LRRC71: variants seen among roughly 807,000 people sequenced by gnomAD.
The protein encoded by LRRC71 is leucine-rich repeat-containing protein 71.
Under a neutral mutation model 66.6 loss-of-function variants are expected in LRRC71, and 54 were observed. The observed-to-expected ratio is 0.81, with a 90% CI of 0.65 to 1.02. LRRC71 has a LOEUF of 1.02. Ranked by LOEUF, LRRC71 falls within the 50% of genes least tolerant of loss-of-function variation. The probability of loss-of-function intolerance (pLI) is 0.00; values close to 1 mark genes in which losing one functional copy is unlikely to be tolerated. For missense variants in LRRC71, 724 were observed against 718.0 expected (o/e 1.01, Z -0.10); for synonymous variants, 323 against 303.9 (o/e 1.06, Z -0.65).
rs772094590 is a variant in LRRC71, at chr1:156,932,932, A to G, written c.1643A>G (p.Lys548Arg). Residue 548 changes from lysine to arginine, a missense_variant, in exon 15 of 15, where the codon AAA becomes AGA. Lys to Arg is a conservative substitution (Grantham distance 26). Coordinates refer to ENST00000337428, the MANE Select transcript of LRRC71 (RefSeq NM_144702.3). ...LMLPRDPIKA[K>R]LREDEAMAFF... ...TTGCCAAGGGATCCCATCAAGGCCA[A>G]ACTCAGGGAGGATGAGGCCATGGCA... 3 of 1,596,986 alleles carry G rather than the reference A, an allele frequency of 1.9e-6. No homozygotes were observed. The highest frequency in any genetic ancestry group is 1.7e-6 in the Non-Finnish European group (2 of 1,171,532).
intron 2 of LRRC71, 117 bp downstream of exon 2, chr1:156,924,215 G>A: frequency 7.9e-7 from 1 of 1,273,558 alleles, no homozygotes; most frequent in Non-Finnish European, 1.1e-6. Flanking sequence ...GTGAGTCGGC[G>A]GTATTCGACG....
intron 9 of LRRC71, among the ~76,000 whole-genome samples, chr1:156,928,426 C>CTCT (rs201518646): frequency 1.2e-5 from 1 of 82,394 alleles, no homozygotes; most frequent in East Asian, 3.8e-4. Context: ...CCTCCTCCTC[C>CTCT]TCTTCTTCTT....
Position 156,922,459 on chromosome 1 carries a change from G to T in LRRC71, c.161-1490G>T, listed in dbSNP as rs146294519. On this transcript the variant is annotated intron_variant, in intron 1 of 14. Coordinates refer to ENST00000337428, the MANE Select transcript of LRRC71 (RefSeq NM_144702.3). Reference sequence around the variant, plus strand: ...GGCTCGTGTCCGGTAGAGAGTGATGGCTGATATAGGAAGGTGTAGGGATTT... The same window carrying T: ...GGCTCGTGTCCGGTAGAGAGTGATGTCTGATATAGGAAGGTGTAGGGATTT... Among the ~76,000 whole-genome samples the T allele has an allele frequency of 9.8e-5, 15 of 152,314 alleles. No homozygotes were observed. The East Asian group carries it at 2.9e-3, about 29-fold the overall frequency.
chr1:156,926,960 T>C (rs1653296415), intron 5 of LRRC71, among the ~76,000 whole-genome samples: 1 of 152,220 alleles, frequency 6.6e-6, no homozygotes, highest in African/African-American at 2.4e-5. Flanking sequence ...TGGGGACCAC[T>C]GAAGGCCATC....
At position 156,927,598 on chromosome 1, in the gene LRRC71, C is replaced by A; in HGVS notation, c.765C>A (p.Val255=). 6.3e-7 allele frequency: 1 copy of A among 1,599,964 alleles called. No homozygotes were observed. The highest frequency in any genetic ancestry group is 1.1e-5 in the South Asian group (1 of 88,542). The change falls in exon 7 of 15, where the codon GTC becomes GTA. Residue 255 remains valine, a synonymous_variant. Transcript: ENST00000337428. The part of the protein sequence containing the change: ...STLHSCNRTL[V]SLNLGFNHIG... ...TGCACAGCTGCAACCGGACCCTCGT[C>A]TCGCTCAACCTGGGTTTCAACCACA... is the stretch of plus-strand genomic sequence containing the variant.
rs374264737 is a variant in LRRC71 at position 156,924,959 on chromosome 1, C to T, written c.537C>T (p.Thr179=). ...QAINLWKVGL[T]DKTLTTFIEL... Reference sequence around the variant, plus strand: ...ACAGCTTGTGGAAGGTGGGGCTGACCGATAAGACCCTGACCACCTTCATCG... The same window carrying T: ...ACAGCTTGTGGAAGGTGGGGCTGACTGATAAGACCCTGACCACCTTCATCG... The change falls in exon 5 of 15, where the codon ACC becomes ACT. Residue 179 remains threonine, a synonymous_variant. Transcript: ENST00000337428. The T allele has an allele frequency of 3.2e-6, 5 of 1,551,524 alleles. No individual in the cohort carries two copies. In the African/African-American group the frequency reaches 4.1e-5, roughly 13 times the overall value.
intron 12 of LRRC71, 90 bp from the exon 13 acceptor site, chr1:156,931,826 C>A: frequency 9.4e-7 from 1 of 1,068,664 alleles, no homozygotes; most frequent in South Asian, 1.4e-5. Context: ...AGCCGGCAGT[C>A]AAAACATGTA....
the LRRC71 span, chr1:156,940,054 T>C: frequency 7.0e-7 from 1 of 1,427,108 alleles, no homozygotes; most frequent in Non-Finnish European, 9.4e-7. Flanking sequence ...CTGGTGGGGG[T>C]TGGGTGGGGA....
In LRRC71 at chr1:156,925,026, T is replaced by C. The variant is rs1652984454; in HGVS notation, c.593+11T>C. The stretch of plus-strand genomic sequence containing the variant: ...TTCATCCACGCTCAGGTCAGCAGAC[T>C]GGGAGGCCCCCTGTGCCTGGGAAGC... On this transcript the variant is annotated intron_variant, in intron 5 of 14. Coordinates refer to ENST00000337428, the MANE Select transcript of LRRC71 (RefSeq NM_144702.3). 1 of 1,551,496 alleles carries C rather than the reference T, an allele frequency of 6.4e-7. No homozygotes were observed. Among genetic ancestry groups the C allele is most frequent in the East Asian group, 2.4e-5 (1 of 40,914 alleles).
chr1:156,921,473 C>A, intron 1 of LRRC71: 1 of 201,274 alleles, frequency 5.0e-6, no homozygotes, highest in Non-Finnish European at 8.9e-6. Context: ...TATCCGAAGT[C>A]TTCTTGATAC....
At chr1:156,937,781 T>C (rs930713079), downstream of LRRC71, among the ~76,000 whole-genome samples, 2 of 152,156 alleles carry the variant, frequency 1.3e-5, no homozygotes, top group South Asian at 2.1e-4. Flanking sequence ...TTTGGGGAAA[T>C]TGGAGTGGCT....
chr1:156,921,113 C>T, intron 1 of LRRC71, 150 bp downstream of exon 1: 1 of 1,027,576 alleles, frequency 9.7e-7, no homozygotes, highest in Non-Finnish European at 1.3e-6. Context: ...TTCAATTGAA[C>T]TTGATCTTAA....
the LRRC71 span, chr1:156,938,482 T>G: frequency 6.2e-7 from 1 of 1,613,468 alleles, no homozygotes; most frequent in Admixed American, 1.7e-5. Context: ...TCTCTGGTAG[T>G]GCAGGGACAA....
Position 156,931,912 on chromosome 1 carries a change from G to A in LRRC71, c.1330-4G>A. On this transcript the variant is annotated splice_region_variant and splice_polypyrimidine_tract_variant and intron_variant, in intron 12 of 14. Coordinates refer to ENST00000337428, the MANE Select transcript of LRRC71 (RefSeq NM_144702.3). ...CTGCTGCAATTAGTATTCTGCTTTAGCAGCTGGTTGTTGAGGCTACTGAGG... is the reference window on the plus strand; with the variant it reads ...CTGCTGCAATTAGTATTCTGCTTTAACAGCTGGTTGTTGAGGCTACTGAGG... 1 of 1,574,772 alleles carries A rather than the reference G, an allele frequency of 6.4e-7. No homozygotes were observed. Among genetic ancestry groups the A allele is most frequent in the South Asian group, 1.2e-5 (1 of 85,628 alleles).
chr1:156,927,449 C>A, intron 6 of LRRC71, 47 bp from the exon 7 acceptor site: 1 of 1,522,212 alleles, frequency 6.6e-7, no homozygotes, highest in Non-Finnish European at 8.8e-7. Context: ...CCGGCGGACG[C>A]CCTGTACCTT....
chr1:156,924,416 C>T lies in LRRC71; in HGVS notation c.311-8C>T. 1 of 1,549,442 alleles carries T rather than the reference C, an allele frequency of 6.5e-7. No homozygotes were observed. Among genetic ancestry groups the T allele is most frequent in the Non-Finnish European group, 8.7e-7 (1 of 1,146,756 alleles). On this transcript the variant is annotated splice_polypyrimidine_tract_variant and splice_region_variant and intron_variant, in intron 2 of 14. Coordinates refer to ENST00000337428, the MANE Select transcript of LRRC71 (RefSeq NM_144702.3). ...CTGTTCCCCTCCCTCCTCACCTCTG[C>T]CTTCCAGACGATCCGCGGCTGTCGG...
In LRRC71 at chr1:156,927,476, T is replaced by G. The variant is rs1653383723; in HGVS notation, c.663-20T>G. The G allele has an allele frequency of 3.3e-6, 5 of 1,519,800 alleles. No homozygotes were observed. The highest frequency in any genetic ancestry group is 4.4e-6 in the Non-Finnish European group (5 of 1,134,924). 94.1% of individuals were successfully genotyped at this position (1,519,800 alleles called of 1,614,324 possible). A position where few individuals can be genotyped will look rare whatever the true frequency, so the allele number is the denominator to read the frequency against. On this transcript the variant is annotated intron_variant, in intron 6 of 14. Coordinates refer to ENST00000337428, the MANE Select transcript of LRRC71 (RefSeq NM_144702.3). ...CTGTACCTTTTCCAGCGACCCACATTCTCCCTCCGGCTGCCCCAGGATTGC... is the reference window on the plus strand; with the variant it reads ...CTGTACCTTTTCCAGCGACCCACATGCTCCCTCCGGCTGCCCCAGGATTGC...
At chr1:156,927,154 C>G (rs1253468959) in intron 5 of LRRC71, 48 bp from the exon 6 acceptor site, 2 of 1,548,982 alleles carry the variant, frequency 1.3e-6, no homozygotes, top group Admixed American at 3.6e-5. Context: ...CCTTCCCTTA[C>G]CTGGCCTCAG....
chr1:156,928,563 C>CTTTTT (rs58180096), intron 9 of LRRC71, among the ~76,000 whole-genome samples: 13 of 80,242 alleles, frequency 1.6e-4, no homozygotes, highest in Non-Finnish European at 2.0e-4. Flanking sequence ...CTTCTTCTTA[C>CTTTTT]TTTTTTTTTT....
Sources: gnomAD v4.1 joint callset for allele counts (sites outside exome capture counted in the v4.1 genomes callset) on GRCh38, gnomAD v4.1.1 for gene constraint, MANE v1.5 for transcripts, NCBI Gene and HGNC (gene_info 2026-07-23, HGNC 2026-07-21) for gene names.